GNG7: variants seen among roughly 807,000 people sequenced by gnomAD.
GNG7 encodes G protein subunit gamma 7, also known as guanine nucleotide-binding protein G(I)/G(S)/G(O) subunit gamma-7.
In GNG7, 1 loss-of-function variant was observed where a neutral mutation model predicts 4.0. The observed-to-expected ratio is 0.25, with a 90% CI of 0.09 to 1.18. The LOEUF is 1.18. GNG7 is among the 50% of genes most tolerant of loss of function. The pLI is 0.50. For synonymous variants in GNG7, 34 were observed against 36.9 expected, an observed-to-expected ratio of 0.92 and a Z score of 0.29; for missense variants, 86 against 91.9, an observed-to-expected ratio of 0.94 and a Z score of 0.26.
intron 1 of GNG7, among the ~76,000 whole-genome samples, chr19:2,686,639 G>A (rs1244136637): frequency 6.6e-6 from 1 of 152,200 alleles, no homozygotes; most frequent in Non-Finnish European, 1.5e-5. Flanking sequence ...GCTCTCTTCA[G>A]TGTTTGCCGC....
intron 3 of GNG7, among the ~76,000 whole-genome samples, chr19:2,552,851 A>G (rs10412434): frequency 8.7e-6 from 1 of 114,694 alleles, no homozygotes; most frequent in Non-Finnish European, 1.9e-5. Flanking sequence ...TCCCGGCTCC[A>G]CCCCCCCCAC....
chr19:2,570,492 G>A (rs1365261886), intron 2 of GNG7, among the ~76,000 whole-genome samples: 4 of 152,110 alleles, frequency 2.6e-5, no homozygotes, highest in Non-Finnish European at 5.9e-5. Flanking sequence ...TGTTCACTGG[G>A]GAAGTGGCAT....
At chr19:2,621,057 G>T (rs1396401729) in intron 2 of GNG7, among the ~76,000 whole-genome samples, 1 of 152,062 alleles carries the variant, frequency 6.6e-6, no homozygotes. Context: ...CCTTTCCTTA[G>T]CACAGCGCCT....
chr19:2,534,791 C>G (rs999340543), intron 3 of GNG7, among the ~76,000 whole-genome samples: 2 of 152,214 alleles, frequency 1.3e-5, no homozygotes, highest in Non-Finnish European at 2.9e-5. Context: ...GACCCAAGAG[C>G]AGATGTTTCC....
At chr19:2,550,650 G>T (rs977590380) in intron 3 of GNG7, among the ~76,000 whole-genome samples, 9 of 152,126 alleles carry the variant, frequency 5.9e-5, no homozygotes, top group Non-Finnish European at 1.0e-4. Context: ...CAGCCTGAGG[G>T]ACCACCAGCT....
intron 2 of GNG7, among the ~76,000 whole-genome samples, chr19:2,612,883 G>A (rs944843064): frequency 1.3e-5 from 2 of 151,846 alleles, no homozygotes; most frequent in African/African-American, 4.8e-5. Context: ...GTAGAGACGG[G>A]TTTTCACCAT....
At chr19:2,521,993 G>A (rs966349654) in intron 3 of GNG7, among the ~76,000 whole-genome samples, 6 of 152,094 alleles carry the variant, frequency 3.9e-5, no homozygotes, top group Admixed American at 3.9e-4. Context: ...ACCTCAACAG[G>A]GCAGACGATC....
chr19:2,521,610 G>GAGT (rs1328267464), intron 3 of GNG7, among the ~76,000 whole-genome samples: 1 of 46,626 alleles, frequency 2.1e-5, no homozygotes, highest in African/African-American at 9.5e-5. Context: ...GTCCCCCTCC[G>GAGT]TGTTTTTTTT....
intron 1 of GNG7, among the ~76,000 whole-genome samples, chr19:2,679,606 C>A (rs1047128837): frequency 6.6e-5 from 10 of 152,150 alleles, no homozygotes; most frequent in African/African-American, 2.2e-4. Context: ...CCTCACCATG[C>A]CTACATTCCA....
intron 1 of GNG7, among the ~76,000 whole-genome samples, chr19:2,660,654 G>A (rs867911128): frequency 2.6e-5 from 4 of 152,302 alleles, no homozygotes; most frequent in Middle Eastern, 3.4e-3. Context: ...AGCCAGTCGT[G>A]ATGGTGTGCC....
At chr19:2,638,247 C>T (rs923532019) in intron 2 of GNG7, among the ~76,000 whole-genome samples, 3 of 150,904 alleles carry the variant, frequency 2.0e-5, no homozygotes, top group African/African-American at 7.3e-5. Context: ...CCTGTAATCC[C>T]AGCTACTCGG....
At chr19:2,603,463 T>A (rs1981277681) in intron 2 of GNG7, among the ~76,000 whole-genome samples, 1 of 152,214 alleles carries the variant, frequency 6.6e-6, no homozygotes, top group Non-Finnish European at 1.5e-5. Context: ...GGGACCGGCA[T>A]CCGGTGAGAC....
intron 1 of GNG7, among the ~76,000 whole-genome samples, chr19:2,695,553 C>T (rs1913223474): frequency 6.6e-6 from 1 of 152,194 alleles, no homozygotes; most frequent in Admixed American, 6.5e-5. Context: ...GAGACAGCAA[C>T]AGCAGCGTCC....
chr19:2,538,254 C>T, intron 3 of GNG7: 1 of 456,512 alleles, frequency 2.2e-6, no homozygotes, highest in Non-Finnish European at 4.4e-6. Context: ...GCTGAGTGGC[C>T]CAGGTCAGTC....
In GNG7 at chr19:2,625,245, A is replaced by T. The variant is rs540030112; in HGVS notation, c.-78+20979T>A. 9.9e-5 allele frequency among the ~76,000 whole-genome samples: 15 copies of T among 152,162 alleles called. No individual in the cohort carries two copies. The East Asian group carries it at 2.7e-3, about 27-fold the overall frequency. On this transcript the variant is annotated intron_variant, in intron 2 of 4. Transcript: ENST00000382159. ...CACTGCACCCGGCTAATTTTTAAAAATTTTTTTGTAGACAAGGGGGTCTCA... is the reference window on the plus strand; with the variant it reads ...CACTGCACCCGGCTAATTTTTAAAATTTTTTTTGTAGACAAGGGGGTCTCA...
rs569634033 is a variant in GNG7 at position 2,597,270 on chromosome 19, A to C, written c.-77-42082T>G. 3.3e-5 allele frequency among the ~76,000 whole-genome samples: 5 copies of C among 152,186 alleles called. No homozygotes were observed. The East Asian group carries it at 9.6e-4, about 29-fold the overall frequency. On this transcript the variant is annotated intron_variant, in intron 2 of 4. Coordinates refer to ENST00000382159, the MANE Select transcript of GNG7 (RefSeq NM_052847.3). Reference sequence around the variant, plus strand: ...ACAGAGAAAGAAGATCCTGTCTCTAAGATAAAAACAAACAAAAACTCCATT... The same window carrying C: ...ACAGAGAAAGAAGATCCTGTCTCTACGATAAAAACAAACAAAAACTCCATT...
At chr19:2,642,858 CAT>C (rs1982545838) in intron 2 of GNG7, 1 of 456,678 alleles carries the variant, frequency 2.2e-6, no homozygotes, top group African/African-American at 2.0e-5. Context: ...ACCGGGAATG[CAT>C]AGTCTGAGCC....
At chr19:2,684,909 A>G (rs1166528252) in intron 1 of GNG7, among the ~76,000 whole-genome samples, 1 of 152,200 alleles carries the variant, frequency 6.6e-6, no homozygotes, top group African/African-American at 2.4e-5. Context: ...GGATCACCTG[A>G]GGTCAGGAGT....
chr19:2,594,232 G>A (rs191617281), intron 2 of GNG7, among the ~76,000 whole-genome samples: 1 of 152,168 alleles, frequency 6.6e-6, no homozygotes, highest in East Asian at 1.9e-4. Context: ...ACTTAGCTGG[G>A]TGTGGTGGTG....
Sources: gnomAD v4.1 joint callset for allele counts (sites outside exome capture counted in the v4.1 genomes callset) on GRCh38, gnomAD v4.1.1 for gene constraint, MANE v1.5 for transcripts, NCBI Gene and HGNC (gene_info 2026-07-23, HGNC 2026-07-21) for gene names.